The following RAB38 variants were observed in gnomAD, a reference collection of about 807,000 sequenced individuals.
The protein encoded by RAB38 is ras-related protein Rab-38.
In RAB38, 15 loss-of-function variants were observed where a neutral mutation model predicts 18.4. The observed-to-expected ratio is 0.82, with a 90% CI of 0.55 to 1.26. RAB38 has a LOEUF of 1.26. RAB38 is among the 50% of genes most tolerant of loss of function. The pLI is 0.00. For missense variants in RAB38, 294 were observed against 267.4 expected, an observed-to-expected ratio of 1.10 and a Z score of -0.69; for synonymous variants, 101 against 104.4, an observed-to-expected ratio of 0.97 and a Z score of 0.20.
chr11:88,063,054 C>T, the RAB38 span, among the ~76,000 whole-genome samples: 9 of 152,252 alleles, frequency 5.9e-5, no homozygotes, highest in African/African-American at 2.2e-4. Context: ...ATCGAATAAA[C>T]TGTCTCAAGG....
At chr11:88,084,680 T>G in the RAB38 span, among the ~76,000 whole-genome samples, 1 of 151,872 alleles carries the variant, frequency 6.6e-6, no homozygotes, top group East Asian at 1.9e-4. Flanking sequence ...ATATAACAGC[T>G]CTCTCTCTTG....
At chr11:87,907,585 T>C in the RAB38 span, among the ~76,000 whole-genome samples, 1 of 151,710 alleles carries the variant, frequency 6.6e-6, no homozygotes, top group African/African-American at 2.4e-5. Flanking sequence ...TTTCTGTTCT[T>C]TCTTTCCTAT....
the RAB38 span, among the ~76,000 whole-genome samples, chr11:87,911,953 A>C: frequency 6.6e-6 from 1 of 151,818 alleles, no homozygotes. Context: ...AAATTTTTTT[A>C]TATTTATTGA....
chr11:87,833,151 A>G, the RAB38 span, among the ~76,000 whole-genome samples: 1 of 152,172 alleles, frequency 6.6e-6, no homozygotes, highest in East Asian at 1.9e-4. Flanking sequence ...CTCAGTTCCT[A>G]TCTCTCTACA....
At chr11:87,906,031 G>A in the RAB38 span, among the ~76,000 whole-genome samples, 2 of 152,064 alleles carry the variant, frequency 1.3e-5, no homozygotes, top group African/African-American at 2.4e-5. Flanking sequence ...GCAATCATGA[G>A]GCTCACCACA....
At chr11:88,147,622 G>A (rs1268881007) in intron 2 of RAB38, among the ~76,000 whole-genome samples, 1 of 151,732 alleles carries the variant, frequency 6.6e-6, no homozygotes, top group Non-Finnish European at 1.5e-5. Flanking sequence ...GCCGGGTGCG[G>A]TGGCTCACGC....
chr11:87,893,390 A>ATATATATTTT, the RAB38 span, among the ~76,000 whole-genome samples: 5 of 93,916 alleles, frequency 5.3e-5, no homozygotes, highest in Admixed American at 1.5e-4. Context: ...ATATATATAT[A>ATATATATTTT]TTTTTTTTTT....
chr11:87,859,353 T>TA, the RAB38 span, among the ~76,000 whole-genome samples: 1 of 151,854 alleles, frequency 6.6e-6, no homozygotes, highest in Non-Finnish European at 1.5e-5. Flanking sequence ...GGGTGGTTTG[T>TA]AAAAAAATGT....
chr11:88,162,304 T>C (rs1204848492), intron 1 of RAB38, among the ~76,000 whole-genome samples: 1 of 152,130 alleles, frequency 6.6e-6, no homozygotes, highest in Admixed American at 6.5e-5. Flanking sequence ...TCCTAGAACT[T>C]ACCTGGTACA....
At chr11:87,833,524 C>T in the RAB38 span, among the ~76,000 whole-genome samples, 1 of 152,170 alleles carries the variant, frequency 6.6e-6, no homozygotes, top group Non-Finnish European at 1.5e-5. Flanking sequence ...TTCATAATGT[C>T]GATTTGTAAT....
chr11:88,140,336 TAC>T (rs1356205146), intron 2 of RAB38, among the ~76,000 whole-genome samples: 2 of 152,238 alleles, frequency 1.3e-5, no homozygotes, highest in African/African-American at 2.4e-5. Context: ...TTTCTGCTTC[TAC>T]ACAGTTATCT....
chr11:88,052,918 A>T, the RAB38 span, among the ~76,000 whole-genome samples: 3,530 of 17,320 alleles, frequency 0.2, 309 homozygotes, highest in South Asian at 0.37. Flanking sequence ...ATATATATAT[A>T]TATATATATA....
the RAB38 span, among the ~76,000 whole-genome samples, chr11:88,053,299 A>C: frequency 7.5e-6 from 1 of 133,432 alleles, no homozygotes; most frequent in Admixed American, 8.1e-5. Flanking sequence ...ATATATATAC[A>C]CACATATATA....
the RAB38 span, among the ~76,000 whole-genome samples, chr11:87,880,619 CTT>C: frequency 2.0e-5 from 3 of 151,746 alleles, no homozygotes; most frequent in African/African-American, 4.8e-5. Flanking sequence ...AGAAGAGTCA[CTT>C]TGTATTTTCA....
At chr11:88,112,768 G>T (rs760458988), downstream of RAB38, among the ~76,000 whole-genome samples, 2 of 146,452 alleles carry the variant, frequency 1.4e-5, no homozygotes, top group Non-Finnish European at 3.0e-5. Context: ...GCAAGACTCC[G>T]TCTCAACAAC....
the RAB38 span, among the ~76,000 whole-genome samples, chr11:88,073,370 TC>T: frequency 6.6e-6 from 1 of 152,116 alleles, no homozygotes; most frequent in Admixed American, 6.5e-5. Flanking sequence ...TACTGGGTTA[TC>T]CCCTTTGGAA....
the RAB38 span, among the ~76,000 whole-genome samples, chr11:87,902,049 A>T: frequency 2.0e-5 from 3 of 151,504 alleles, no homozygotes; most frequent in East Asian, 5.9e-4. Context: ...GAATACTTTG[A>T]TTATCCTGTT....
chr11:87,807,940 CCTAT>C, the RAB38 span, among the ~76,000 whole-genome samples: 1 of 152,172 alleles, frequency 6.6e-6, no homozygotes, highest in Non-Finnish European at 1.5e-5. Context: ...GTCTGTTTTT[CCTAT>C]CTATCTATCT....
chr11:87,893,390 A>ATATATATATATTTTT, the RAB38 span, among the ~76,000 whole-genome samples: 73 of 93,888 alleles, frequency 7.8e-4, 1 homozygote, highest in South Asian at 1.6e-3. Context: ...ATATATATAT[A>ATATATATATATTTTT]TTTTTTTTTT....
Sources: allele counts gnomAD v4.1 joint callset (sites outside exome capture counted in the v4.1 genomes callset), GRCh38; gene constraint gnomAD v4.1.1; transcripts MANE v1.5; gene names NCBI Gene and HGNC (gene_info 2026-07-23, HGNC 2026-07-21).